Variants in PTPN21 observed in about 807,000 individuals in gnomAD.
The protein encoded by PTPN21 is tyrosine-protein phosphatase non-receptor type 21.
A neutral mutation model predicts 131.8 loss-of-function variants in PTPN21; 77 were observed. The observed-to-expected ratio is 0.58, with a 90% CI of 0.49 to 0.71. The LOEUF (loss-of-function observed/expected upper bound fraction) is 0.71, where lower values mean the gene tolerates loss of function less well. Among genes scored for constraint, PTPN21 ranks in the 30% least tolerant of loss-of-function variants. The probability of loss-of-function intolerance (pLI) is 0.00; values close to 1 mark genes in which losing one functional copy is unlikely to be tolerated. For missense variants in PTPN21, 1,552 were observed against 1,527.1 expected, an observed-to-expected ratio of 1.02 and a Z score of -0.27; for synonymous variants, 715 against 621.3, an observed-to-expected ratio of 1.15 and a Z score of -2.24.
chr14:88,516,662 C>T (rs984108982), intron 3 of PTPN21, among the ~76,000 whole-genome samples: 3 of 152,154 alleles, frequency 2.0e-5, no homozygotes, highest in African/African-American at 7.2e-5. Flanking sequence ...ACTCCCTCCC[C>T]AACCGGTCTA....
At chr14:88,492,866 G>A (rs532238399) in intron 10 of PTPN21, 14 of 329,926 alleles carry the variant, frequency 4.2e-5, no homozygotes, top group Admixed American at 1.3e-4. Context: ...CTTATGCACC[G>A]GGCACCTTGC....
intron 15 of PTPN21, 108 bp from the exon 16 acceptor site, chr14:88,470,158 G>A (rs2077437804): frequency 1.0e-6 from 1 of 992,308 alleles, no homozygotes; most frequent in South Asian, 1.6e-5. Context: ...AAAGTAAAAA[G>A]TAAAAAAGTA....
chr14:88,474,876 G>C (rs1021914918), intron 13 of PTPN21, among the ~76,000 whole-genome samples: 1 of 152,082 alleles, frequency 6.6e-6, no homozygotes, highest in Non-Finnish European at 1.5e-5. Flanking sequence ...TTGGGAGGCC[G>C]AGGTCAGGAG....
intron 2 of PTPN21, among the ~76,000 whole-genome samples, chr14:88,519,807 C>T (rs1462444558): frequency 6.6e-6 from 1 of 152,120 alleles, no homozygotes. Context: ...AGTTGCCACC[C>T]AAGTCATCAC....
intron 3 of PTPN21, among the ~76,000 whole-genome samples, chr14:88,511,789 T>G (rs1286933424): frequency 1.3e-5 from 2 of 152,182 alleles, no homozygotes; most frequent in Non-Finnish European, 2.9e-5. Flanking sequence ...TCCATAAACT[T>G]GCCCGAAAGT....
At position 88,480,334 on chromosome 14, in the gene PTPN21, T is replaced by C. The variant is rs2077634622; in HGVS notation, c.1097A>G (p.Asn366Ser). 3 of 1,612,302 alleles carry C rather than the reference T, an allele frequency of 1.9e-6. No homozygotes were observed. Among genetic ancestry groups the C allele is most frequent in the African/African-American group, 2.7e-5 (2 of 74,896 alleles). ...ASSQDNLFVP[N>S]QNGYYCHSQT... ...AGAGTGACAGTAGTATCCGTTCTGGTTGGGCACAAAGAGGTTATCTAGAAA... is the reference window on the plus strand; with the variant it reads ...AGAGTGACAGTAGTATCCGTTCTGGCTGGGCACAAAGAGGTTATCTAGAAA... Residue 366 changes from asparagine to serine, a missense_variant, in exon 13 of 19, where the codon AAC (asparagine) becomes AGC (serine). By Grantham distance (46) the Asn-to-Ser change is conservative. Transcript: ENST00000556564.
At chr14:88,474,858 C>G (rs899752784) in intron 13 of PTPN21, among the ~76,000 whole-genome samples, 4 of 152,120 alleles carry the variant, frequency 2.6e-5, no homozygotes, top group Non-Finnish European at 4.4e-5. Context: ...GCCTGTAATC[C>G]TAGCACTTTG....
chr14:88,485,979 G>A, intron 10 of PTPN21, 137 bp from the exon 11 acceptor site: 1 of 608,002 alleles, frequency 1.6e-6, no homozygotes, highest in Non-Finnish European at 2.8e-6. Flanking sequence ...TGAAGTCAAA[G>A]AAAAGAAGGG....
chr14:88,545,343 G>A (rs562330923), intron 2 of PTPN21, among the ~76,000 whole-genome samples: 10 of 152,142 alleles, frequency 6.6e-5, no homozygotes, highest in South Asian at 4.2e-4. Flanking sequence ...CATTTTTAGC[G>A]AGCTAGATTA....
At chr14:88,548,195 A>G (rs2078810079) in intron 2 of PTPN21, among the ~76,000 whole-genome samples, 1 of 152,076 alleles carries the variant, frequency 6.6e-6, no homozygotes, top group Non-Finnish European at 1.5e-5. Flanking sequence ...CACTCCCCTC[A>G]AATCATTCTC....
chr14:88,466,337 C>CATTA lies in PTPN21; in HGVS notation c.*1796_*1799dup, dbSNP rs1386399761. 6.6e-6 allele frequency: 1 copy of CATTA among 151,982 alleles called. No individual in the cohort carries two copies. Among genetic ancestry groups the CATTA allele is most frequent in the African/African-American group, 2.4e-5 (1 of 41,348 alleles). 9.4% of individuals were successfully genotyped at this position (151,982 alleles called of 1,614,324 possible). On this transcript the variant is annotated 3_prime_UTR_variant, in exon 19 of 19. Coordinates refer to ENST00000556564, the MANE Select transcript of PTPN21 (RefSeq NM_007039.4). ...AGTGTGCGTACTTTCAATTAGTTTT[C>CATTA]ATTAATATCTTCTGAGTTTTCCTCT...
chr14:88,516,993 G>A, intron 3 of PTPN21, 99 bp downstream of exon 3: 1 of 1,378,910 alleles, frequency 7.3e-7, no homozygotes, highest in Non-Finnish European at 9.9e-7. Context: ...TGGGGCGAGA[G>A]GGCAAAGTTT....
chr14:88,509,211 G>A (rs2078141896), intron 3 of PTPN21, among the ~76,000 whole-genome samples: 1 of 152,034 alleles, frequency 6.6e-6, no homozygotes, highest in African/African-American at 2.4e-5. Flanking sequence ...TAATTACTGG[G>A]GTCTATTATA....
chr14:88,478,291 G>A (rs1347773610), intron 13 of PTPN21, among the ~76,000 whole-genome samples: 3 of 152,038 alleles, frequency 2.0e-5, no homozygotes, highest in Admixed American at 6.6e-5. Context: ...ATCTTCTACC[G>A]GGGACTTTCC....
intron 2 of PTPN21, among the ~76,000 whole-genome samples, chr14:88,535,898 C>A (rs1049096580): frequency 6.6e-6 from 1 of 152,342 alleles, no homozygotes; most frequent in Non-Finnish European, 1.5e-5. Flanking sequence ...TATGCACGTC[C>A]TGTTAATGGA....
intron 13 of PTPN21, among the ~76,000 whole-genome samples, chr14:88,477,446 T>TAAAA (rs59381948): frequency 1.3e-4 from 10 of 76,364 alleles, no homozygotes; most frequent in South Asian, 6.9e-4. Context: ...AAGACTGTTC[T>TAAAA]AAAAAAAAAA....
chr14:88,504,038 C>G (rs1245253526), intron 6 of PTPN21: 1 of 186,640 alleles, frequency 5.4e-6, no homozygotes, highest in Non-Finnish European at 1.1e-5. Flanking sequence ...CCTGTACTTG[C>G]TAAGCTGTAT....
At chr14:88,480,633 T>A (rs2077640329) in intron 12 of PTPN21, among the ~76,000 whole-genome samples, 1 of 152,068 alleles carries the variant, frequency 6.6e-6, no homozygotes. Flanking sequence ...ACTAGCAGAC[T>A]TTTTGGAACT....
intron 10 of PTPN21, among the ~76,000 whole-genome samples, chr14:88,495,340 A>G (rs1394322809): frequency 6.6e-6 from 1 of 152,110 alleles, no homozygotes; most frequent in Non-Finnish European, 1.5e-5. Flanking sequence ...AGCACACTAA[A>G]TGCTTGCGGT....
Sources: allele counts gnomAD v4.1 joint callset (sites outside exome capture counted in the v4.1 genomes callset), GRCh38; gene constraint gnomAD v4.1.1; transcripts MANE v1.5; gene names NCBI Gene and HGNC (gene_info 2026-07-23, HGNC 2026-07-21).